DPP10: variants seen among roughly 807,000 people sequenced by gnomAD.
The protein encoded by DPP10 is inactive dipeptidyl peptidase 10.
DPP10 carries 33 observed loss-of-function variants against 120.9 expected under a neutral mutation model. The observed-to-expected ratio is 0.27, with a 90% CI of 0.21 to 0.37. The LOEUF (loss-of-function observed/expected upper bound fraction) is 0.37. Ranked by LOEUF, DPP10 falls within the 10% of genes least tolerant of loss-of-function variation. The pLI is 1.00. For missense variants in DPP10, 816 were observed against 942.8 expected, an observed-to-expected ratio of 0.87 and a Z score of 1.76; for synonymous variants, 337 against 326.1, an observed-to-expected ratio of 1.03 and a Z score of -0.36.
intron 3 of DPP10, among the ~76,000 whole-genome samples, chr2:115,357,926 G>C (rs1393673909): frequency 6.6e-6 from 1 of 152,122 alleles, no homozygotes; most frequent in African/African-American, 2.4e-5. Flanking sequence ...GCCCCTTTTA[G>C]CTAGGTTTGA....
chr2:114,906,041 C>T (rs1372596478), intron 1 of DPP10, among the ~76,000 whole-genome samples: 1 of 151,786 alleles, frequency 6.6e-6, no homozygotes, highest in East Asian at 1.9e-4. Context: ...TATTTTCTTG[C>T]CTAATTGTCC....
intron 1 of DPP10, among the ~76,000 whole-genome samples, chr2:114,978,459 C>A (rs1324718500): frequency 6.6e-6 from 1 of 152,082 alleles, no homozygotes. Flanking sequence ...TAAAATTGTG[C>A]AATCACAGGG....
chr2:114,575,715 C>T (rs1431768848), intron 1 of DPP10, among the ~76,000 whole-genome samples: 3 of 152,134 alleles, frequency 2.0e-5, no homozygotes, highest in Non-Finnish European at 4.4e-5. Flanking sequence ...TTGCTCTTAA[C>T]CACAAATTTG....
chr2:115,822,194 C>T (rs567148960), intron 21 of DPP10, among the ~76,000 whole-genome samples: 66 of 152,080 alleles, frequency 4.3e-4, no homozygotes, highest in African/African-American at 1.5e-3. Flanking sequence ...GTTGACCATT[C>T]AGACTGTGCA....
intron 11 of DPP10, among the ~76,000 whole-genome samples, chr2:115,760,719 A>G (rs949503713): frequency 6.6e-6 from 1 of 152,168 alleles, no homozygotes; most frequent in Non-Finnish European, 1.5e-5. Context: ...TTTTGGCTAG[A>G]TTATAGATTG....
chr2:115,213,903 G>T (rs2056663618), intron 1 of DPP10, among the ~76,000 whole-genome samples: 1 of 152,190 alleles, frequency 6.6e-6, no homozygotes, highest in Admixed American at 6.5e-5. Flanking sequence ...ACTGACTGAG[G>T]TTCCTAAGTC....
intron 1 of DPP10, among the ~76,000 whole-genome samples, chr2:114,744,671 G>A (rs1678398130): frequency 6.6e-6 from 1 of 152,204 alleles, no homozygotes; most frequent in African/African-American, 2.4e-5. Context: ...GTGGAATCTT[G>A]GTTGATGCCT....
At chr2:115,819,409 A>G (rs997342395) in intron 21 of DPP10, among the ~76,000 whole-genome samples, 13 of 152,138 alleles carry the variant, frequency 8.5e-5, no homozygotes, top group Admixed American at 7.9e-4. Context: ...TTTGATTTCT[A>G]TTATGACTTA....
intron 12 of DPP10, among the ~76,000 whole-genome samples, chr2:115,767,240 A>G (rs1680872342): frequency 6.6e-6 from 1 of 152,098 alleles, no homozygotes; most frequent in South Asian, 2.1e-4. Context: ...TGAAGAAAGC[A>G]AGAGAATGAC....
intron 1 of DPP10, among the ~76,000 whole-genome samples, chr2:114,638,117 G>C (rs1158061164): frequency 2.0e-5 from 3 of 151,812 alleles, no homozygotes; most frequent in Non-Finnish European, 2.9e-5. Context: ...AATGAGCATG[G>C]AATGTTTTCC....
intron 1 of DPP10, among the ~76,000 whole-genome samples, chr2:115,067,777 G>A (rs1218231829): frequency 4.7e-5 from 7 of 148,406 alleles, no homozygotes; most frequent in African/African-American, 1.7e-4. Context: ...GCAGGAGAAT[G>A]GCTGATCCCG....
At chr2:115,821,834 G>A (rs544850279) in intron 21 of DPP10, among the ~76,000 whole-genome samples, 2 of 152,014 alleles carry the variant, frequency 1.3e-5, no homozygotes, top group South Asian at 4.1e-4. Context: ...TATTATAAAC[G>A]TGTACGCTTG....
At chr2:114,882,496 G>A (rs1432071597) in intron 1 of DPP10, among the ~76,000 whole-genome samples, 5 of 151,956 alleles carry the variant, frequency 3.3e-5, no homozygotes, top group African/African-American at 1.2e-4. Context: ...TGGACTTTGG[G>A]GACTATGGAA....
intron 10 of DPP10, among the ~76,000 whole-genome samples, chr2:115,749,711 AAT>A (rs1678460329): frequency 1.3e-5 from 2 of 152,216 alleles, no homozygotes; most frequent in Non-Finnish European, 1.5e-5. Flanking sequence ...ATACCATCAC[AAT>A]ATACTTATGG....
chr2:115,499,216 T>A (rs1190158746), intron 3 of DPP10, among the ~76,000 whole-genome samples: 1 of 152,098 alleles, frequency 6.6e-6, no homozygotes, highest in African/African-American at 2.4e-5. Context: ...CCATTTTTTC[T>A]CACCACAGAA....
intron 3 of DPP10, among the ~76,000 whole-genome samples, chr2:115,479,285 A>T (rs373317835): frequency 6.6e-6 from 1 of 152,136 alleles, no homozygotes; most frequent in East Asian, 1.9e-4. Context: ...AGGTTCATCC[A>T]TGCTAAGGGA....
At chr2:115,360,749 G>T (rs1179848130) in intron 3 of DPP10, among the ~76,000 whole-genome samples, 1 of 152,180 alleles carries the variant, frequency 6.6e-6, no homozygotes, top group African/African-American at 2.4e-5. Flanking sequence ...GGTTAGGTTG[G>T]CAGGAGACCC....
intron 3 of DPP10, among the ~76,000 whole-genome samples, chr2:115,491,645 G>A (rs576779751): frequency 1.3e-5 from 2 of 152,102 alleles, no homozygotes; most frequent in East Asian, 1.9e-4. Context: ...CTAGGGGCTA[G>A]CATGTCTGTG....
intron 2 of DPP10, among the ~76,000 whole-genome samples, chr2:115,336,609 AT>A (rs2063153749): frequency 6.6e-6 from 1 of 151,298 alleles, no homozygotes. Context: ...CTATATATAT[AT>A]ATATAATTGT....
Sources: gnomAD v4.1 joint callset for allele counts (sites outside exome capture counted in the v4.1 genomes callset) on GRCh38, gnomAD v4.1.1 for gene constraint, MANE v1.5 for transcripts, NCBI Gene and HGNC (gene_info 2026-07-23, HGNC 2026-07-21) for gene names.